The following ASTN2 variants were observed in gnomAD, a reference collection of about 807,000 sequenced individuals.
The protein encoded by ASTN2 is astrotactin-2.
In ASTN2, 54 loss-of-function variants were observed where a neutral mutation model predicts 139.8. That is an observed-to-expected ratio of 0.39 (90% confidence interval 0.31 to 0.48). The LOEUF (loss-of-function observed/expected upper bound fraction) is 0.48, where lower values mean the gene tolerates loss of function less well. Among genes scored for constraint, ASTN2 ranks in the 20% least tolerant of loss-of-function variants. ASTN2 has a pLI of 0.95. For synonymous variants in ASTN2, 756 were observed against 719.5 expected, an observed-to-expected ratio of 1.05 and a Z score of -0.81; for missense variants, 1,565 against 1,725.1, an observed-to-expected ratio of 0.91 and a Z score of 1.64.
intron 11 of ASTN2, among the ~76,000 whole-genome samples, chr9:116,823,726 G>A (rs1831549950): frequency 1.3e-5 from 2 of 152,142 alleles, no homozygotes; most frequent in African/African-American, 4.8e-5. Context: ...GGATCAGAAA[G>A]GTGAGGGTAC....
At chr9:117,160,330 A>G (rs1830519607) in intron 3 of ASTN2, among the ~76,000 whole-genome samples, 2 of 152,030 alleles carry the variant, frequency 1.3e-5, no homozygotes, top group African/African-American at 4.8e-5. Context: ...GTGGTATAGT[A>G]TTATGTGACC....
intron 11 of ASTN2, among the ~76,000 whole-genome samples, chr9:116,827,004 C>G (rs1312850965): frequency 6.6e-6 from 1 of 152,054 alleles, no homozygotes; most frequent in African/African-American, 2.4e-5. Flanking sequence ...AACCTAATAT[C>G]ACACCTGAAA....
At chr9:117,004,947 C>T (rs1225483339) in intron 7 of ASTN2, among the ~76,000 whole-genome samples, 1 of 151,902 alleles carries the variant, frequency 6.6e-6, no homozygotes, top group Admixed American at 6.6e-5. Flanking sequence ...AAGATACTAC[C>T]CATTTAATGA....
chr9:117,007,267 C>A (rs1267743829), intron 7 of ASTN2, among the ~76,000 whole-genome samples: 2 of 152,116 alleles, frequency 1.3e-5, no homozygotes, highest in Non-Finnish European at 2.9e-5. Context: ...ATTCTTTTCC[C>A]CTACACCGGC....
chr9:117,144,610 G>C (rs1449266471), intron 3 of ASTN2, among the ~76,000 whole-genome samples: 1 of 146,342 alleles, frequency 6.8e-6, no homozygotes, highest in African/African-American at 2.6e-5. Flanking sequence ...CAGTTCCTCA[G>C]TAAGAGGAGG....
chr9:117,282,263 G>A (rs552262610), intron 2 of ASTN2, among the ~76,000 whole-genome samples: 3 of 152,168 alleles, frequency 2.0e-5, no homozygotes, highest in South Asian at 2.1e-4. Flanking sequence ...TGTTTCTGTC[G>A]GTATTTTCTT....
intron 10 of ASTN2, among the ~76,000 whole-genome samples, chr9:116,928,114 T>C (rs7042103): frequency 0.057 from 8,738 of 152,230 alleles, 384 homozygotes; most frequent in African/African-American, 0.12. Flanking sequence ...TTCCAAATTA[T>C]GTGAAAACAA....
chr9:116,840,917 C>T lies in ASTN2; in HGVS notation c.2041-20134G>A, dbSNP rs186156094. Among the ~76,000 whole-genome samples, 1,008 of 152,002 alleles carry T rather than the reference C, an allele frequency of 6.6e-3. 5 individuals are homozygous for T. The highest frequency in any genetic ancestry group is 0.024 in the African/African-American group (976 of 41,478). ...GACTGGGCAGCCAGGCAGAGGGGCT[C>T]CTCACATCCCAGACGATAGGCGGCC... On this transcript the variant is annotated intron_variant, in intron 11 of 22. Coordinates refer to ENST00000313400, the MANE Select transcript of ASTN2 (RefSeq NM_001365068.1).
intron 3 of ASTN2, among the ~76,000 whole-genome samples, chr9:117,206,319 C>G (rs1321383488): frequency 6.6e-6 from 1 of 152,138 alleles, no homozygotes; most frequent in African/African-American, 2.4e-5. Context: ...AAAAGATAAG[C>G]AGAAGATCTC....
rs576268753 is a variant in ASTN2 at position 117,362,985 on chromosome 9, C to A, written c.442+51512G>T. ...TCCTACCCTCTTGGTGTGTGTGTAC[C>A]ATCATTAGTTTCAATATCCAAACCA... On this transcript the variant is annotated intron_variant, in intron 1 of 22. Coordinates refer to ENST00000313400, the MANE Select transcript of ASTN2 (RefSeq NM_001365068.1). Among the ~76,000 whole-genome samples the A allele has an allele frequency of 2.2e-4, 34 of 152,152 alleles. No individual in the cohort carries two copies. The South Asian group carries it at 7.1e-3, about 32-fold the overall frequency.
chr9:117,041,904 C>G (rs933084185), intron 5 of ASTN2, among the ~76,000 whole-genome samples: 8 of 152,170 alleles, frequency 5.3e-5, no homozygotes, highest in African/African-American at 1.9e-4. Flanking sequence ...TTCATATGCT[C>G]TTGGTAGATA....
Position 117,259,657 on chromosome 9 carries a change from G to T in ASTN2, c.630+31669C>A, listed in dbSNP as rs371779749. Among the ~76,000 whole-genome samples, 3 of 152,102 alleles carry T rather than the reference G, an allele frequency of 2.0e-5. No homozygotes were observed. In the South Asian group the frequency reaches 6.2e-4, roughly 32 times the overall value. ...CAGAACATTTTAAAATCTACCTATGGCCTAGAAGTCCCTGCTTTGAGTTGT... is the reference window on the plus strand; with the variant it reads ...CAGAACATTTTAAAATCTACCTATGTCCTAGAAGTCCCTGCTTTGAGTTGT... On this transcript the variant is annotated intron_variant, in intron 2 of 22. Coordinates refer to ENST00000313400, the MANE Select transcript of ASTN2 (RefSeq NM_001365068.1).
chr9:117,131,414 G>A (rs1388066383), intron 4 of ASTN2, among the ~76,000 whole-genome samples: 9 of 152,152 alleles, frequency 5.9e-5, no homozygotes, highest in Non-Finnish European at 1.3e-4. Flanking sequence ...ACAAGTGAAG[G>A]AAATCAAAAT....
At chr9:117,358,795 A>T (rs1282068972) in intron 1 of ASTN2, among the ~76,000 whole-genome samples, 1 of 151,904 alleles carries the variant, frequency 6.6e-6, no homozygotes. Context: ...CCTCAAACAG[A>T]TCCCTTACCT....
intron 16 of ASTN2, chr9:116,686,877 G>A (rs41308922): frequency 0.13 from 205,920 of 1,535,708 alleles, 14,806 homozygotes; most frequent in Middle Eastern, 0.17. Flanking sequence ...CCCTTCCTAG[G>A]GAGTCCCGGT....
At chr9:117,242,560 C>T (rs1477352005) in intron 2 of ASTN2, among the ~76,000 whole-genome samples, 3 of 152,118 alleles carry the variant, frequency 2.0e-5, no homozygotes, top group Non-Finnish European at 4.4e-5. Context: ...ATAATAAATG[C>T]CTTATGGCAC....
intron 1 of ASTN2, among the ~76,000 whole-genome samples, chr9:117,395,853 T>A (rs965478956): frequency 2.0e-5 from 3 of 152,234 alleles, no homozygotes; most frequent in African/African-American, 7.2e-5. Context: ...TATTTGTTAA[T>A]GTTTAATTAT....
intron 19 of ASTN2, among the ~76,000 whole-genome samples, chr9:116,580,244 T>C (rs563178314): frequency 6.6e-6 from 1 of 152,264 alleles, no homozygotes; most frequent in East Asian, 1.9e-4. Context: ...AAGGTGAACA[T>C]ATACAGAGCA....
intron 6 of ASTN2, among the ~76,000 whole-genome samples, chr9:117,033,080 A>C (rs1838290270): frequency 6.6e-6 from 1 of 152,182 alleles, no homozygotes; most frequent in Admixed American, 6.6e-5. Flanking sequence ...CCCATTTCTG[A>C]GCCTACGCAA....
Sources: gnomAD v4.1 joint callset for allele counts (sites outside exome capture counted in the v4.1 genomes callset) on GRCh38, gnomAD v4.1.1 for gene constraint, MANE v1.5 for transcripts, NCBI Gene and HGNC (gene_info 2026-07-23, HGNC 2026-07-21) for gene names.